The following PDE10A variants were observed in gnomAD, a reference collection of about 807,000 sequenced individuals.
The protein encoded by PDE10A is phosphodiesterase 10A, also known as cAMP and cAMP-inhibited cGMP 3',5'-cyclic phosphodiesterase 10A.
A neutral mutation model predicts 97.7 loss-of-function variants in PDE10A; 39 were observed. The ratio of observed to expected loss-of-function variants is 0.40; its 90% CI spans 0.31 to 0.52. The LOEUF (loss-of-function observed/expected upper bound fraction) is 0.52. Ranked by LOEUF, PDE10A falls within the 20% of genes least tolerant of loss-of-function variation. The probability of loss-of-function intolerance (pLI) is 0.56; values close to 1 mark genes in which losing one functional copy is unlikely to be tolerated. For missense variants in PDE10A, 731 were observed against 1,047.8 expected (o/e 0.70, Z 4.17); for synonymous variants, 371 against 376.8 (o/e 0.98, Z 0.18).
intron 5 of PDE10A, 98 bp downstream of exon 5, chr6:165,448,830 A>G: frequency 1.4e-6 from 1 of 733,708 alleles, no homozygotes. Context: ...TTAAATGAAA[A>G]GTACTTAATC....
chr6:165,638,878 C>T (rs1788999229), intron 1 of PDE10A, among the ~76,000 whole-genome samples: 1 of 152,202 alleles, frequency 6.6e-6, no homozygotes, highest in Admixed American at 6.5e-5. Context: ...ACCACTCAAA[C>T]ATTATATAAC....
intron 1 of PDE10A, among the ~76,000 whole-genome samples, 198 bp from the exon 2 acceptor site, chr6:165,543,766 T>C (rs1783590508): frequency 6.6e-6 from 1 of 152,160 alleles, no homozygotes; most frequent in African/African-American, 2.4e-5. Context: ...GTTTTGGAAC[T>C]AGACAGGTGA....
chr6:165,357,132 T>G (rs1322815303), intron 18 of PDE10A, among the ~76,000 whole-genome samples: 1 of 152,170 alleles, frequency 6.6e-6, no homozygotes, highest in Non-Finnish European at 1.5e-5. Flanking sequence ...CTACATCTAT[T>G]GTAATAATCA....
In PDE10A at chr6:165,731,064, A is replaced by T. The variant is rs758159091; in HGVS notation, c.-614-187496T>A. 5.6e-4 allele frequency among the ~76,000 whole-genome samples: 85 copies of T among 152,268 alleles called. 1 individual carries two copies. Among genetic ancestry groups the T allele is most frequent in the Non-Finnish European group, 1.1e-3 (78 of 68,012 alleles). On this transcript the variant is annotated intron_variant, in intron 1 of 19. Transcript: ENST00000366882. Reference sequence around the variant, plus strand: ...GTCTCAAAAACAAAAAGCAACAATTAAAAAAATGTCAATTGTACAGAACCC... The same window carrying T: ...GTCTCAAAAACAAAAAGCAACAATTTAAAAAATGTCAATTGTACAGAACCC...
intron 18 of PDE10A, among the ~76,000 whole-genome samples, chr6:165,362,706 G>A (rs1180773564): frequency 6.6e-6 from 1 of 152,142 alleles, no homozygotes; most frequent in East Asian, 1.9e-4. Flanking sequence ...ATACTTCCCA[G>A]CTAATTCCAT....
intron 16 of PDE10A, among the ~76,000 whole-genome samples, chr6:165,390,178 A>G (rs1257745398): frequency 6.6e-6 from 1 of 152,154 alleles, no homozygotes; most frequent in African/African-American, 2.4e-5. Context: ...AAACAAACAA[A>G]AAACCCCAAG....
chr6:165,542,099 A>T (rs1167613047), intron 2 of PDE10A, among the ~76,000 whole-genome samples: 1 of 152,128 alleles, frequency 6.6e-6, no homozygotes, highest in African/African-American at 2.4e-5. Flanking sequence ...GTTTCCCCCA[A>T]ATAGTATCTT....
intron 13 of PDE10A, among the ~76,000 whole-genome samples, chr6:165,408,059 A>G (rs1787354687): frequency 6.6e-6 from 1 of 152,228 alleles, no homozygotes; most frequent in African/African-American, 2.4e-5. Flanking sequence ...ATCAAACAAG[A>G]CCACAATAAA....
At chr6:165,420,168 G>A (rs1032210208) in intron 10 of PDE10A, among the ~76,000 whole-genome samples, 2 of 152,168 alleles carry the variant, frequency 1.3e-5, no homozygotes, top group Non-Finnish European at 2.9e-5. Context: ...TAGGGCCAGC[G>A]AAATTTTGTG....
rs1028253424 is a variant in PDE10A, at chr6:165,703,787, G to A, written c.-614-160219C>T. Among the ~76,000 whole-genome samples, 11 of 152,088 alleles carry A rather than the reference G, an allele frequency of 7.2e-5. No individual in the cohort carries two copies. In the East Asian group the frequency reaches 7.7e-4, roughly 11 times the overall value. ...CCTCCCATCTCCCTGCTTCCATCCC[G>A]TCAGTCCCCCCAGTAATCAGCTATG... On this transcript the variant is annotated intron_variant, in intron 1 of 19. Transcript: ENST00000366882.
intron 20 of PDE10A, among the ~76,000 whole-genome samples, chr6:165,336,760 A>T (rs1781681045): frequency 6.6e-6 from 1 of 151,038 alleles, no homozygotes; most frequent in African/African-American, 2.4e-5. Context: ...CGTCTCAAAA[A>T]AAAAAAAAAA....
At chr6:165,630,380 C>A (rs1055508440) in intron 1 of PDE10A, among the ~76,000 whole-genome samples, 3 of 152,132 alleles carry the variant, frequency 2.0e-5, no homozygotes, top group African/African-American at 4.8e-5. Context: ...TATATAGAAA[C>A]ACTTATCATC....
At position 165,433,059 on chromosome 6, in the gene PDE10A, A is replaced by AT. The variant is rs1365584571; in HGVS notation, c.1405dup (p.Ile469AsnfsTer7). 6.2e-7 allele frequency: 1 copy of AT among 1,613,446 alleles called. No individual in the cohort carries two copies. The highest frequency in any genetic ancestry group is 8.5e-7 in the Non-Finnish European group (1 of 1,179,526). On this transcript the variant is annotated frameshift_variant, in exon 7 of 22. Coordinates refer to ENST00000539869, the MANE Select transcript of PDE10A (RefSeq NM_001385079.1). LOFTEE classifies it high-confidence loss of function. ...AATCAAGTCACCAATTGCAGTGACA[A>AT]TTGGTAAGCAAAGAACAGACTGGAT... is the stretch of plus-strand genomic sequence containing the variant.
intron 1 of PDE10A, among the ~76,000 whole-genome samples, chr6:165,979,976 A>G (rs929958704): frequency 2.0e-5 from 3 of 152,224 alleles, no homozygotes; most frequent in African/African-American, 7.2e-5. Context: ...TCTACAGCAA[A>G]ATCACAAACC....
chr6:165,695,965 G>C (rs1791434087), intron 1 of PDE10A, among the ~76,000 whole-genome samples: 1 of 152,190 alleles, frequency 6.6e-6, no homozygotes, highest in Non-Finnish European at 1.5e-5. Flanking sequence ...CAGTTAGTGG[G>C]GTTGAACCTC....
intron 1 of PDE10A, among the ~76,000 whole-genome samples, chr6:165,590,535 G>T (rs1263692513): frequency 6.6e-6 from 1 of 152,164 alleles, no homozygotes; most frequent in African/African-American, 2.4e-5. Context: ...GTACAAAACT[G>T]TAGCCTCCTT....
Position 165,332,502 on chromosome 6 carries a change from G to C in PDE10A, c.*523C>G, listed in dbSNP as rs909286053. Reference sequence around the variant, plus strand: ...CTGTAACCTCAACGACATTTGTCCTGAGGCTGTGGACTACAACTCAAGTTA... The same window carrying C: ...CTGTAACCTCAACGACATTTGTCCTCAGGCTGTGGACTACAACTCAAGTTA... On this transcript the variant is annotated 3_prime_UTR_variant, in exon 22 of 22. Transcript: ENST00000539869. 2.0e-5 allele frequency: 3 copies of C among 152,258 alleles called. No homozygotes were observed. The highest frequency in any genetic ancestry group is 4.4e-5 in the Non-Finnish European group (3 of 68,114). The allele number at this position is 152,258 out of a possible 1,614,324, so 9.4% of individuals were successfully genotyped here.
chr6:165,545,688 T>C (rs1407027557), intron 1 of PDE10A, among the ~76,000 whole-genome samples: 1 of 148,224 alleles, frequency 6.7e-6, no homozygotes, highest in Admixed American at 6.6e-5. Context: ...TAATCATGAA[T>C]TGAAGTTAAA....
chr6:165,941,517 A>G (rs2053738798), intron 1 of PDE10A, among the ~76,000 whole-genome samples: 1 of 152,166 alleles, frequency 6.6e-6, no homozygotes, highest in African/African-American at 2.4e-5. Context: ...TTAATCTGCA[A>G]CATCCCGGTG....
Sources: allele counts gnomAD v4.1 joint callset (sites outside exome capture counted in the v4.1 genomes callset), GRCh38; gene constraint gnomAD v4.1.1; transcripts MANE v1.5; gene names NCBI Gene and HGNC (gene_info 2026-07-23, HGNC 2026-07-21).